CDK13: variants seen among roughly 807,000 people sequenced by gnomAD.
The protein encoded by CDK13 is cyclin-dependent kinase 13.
Under a neutral mutation model 137.6 loss-of-function variants are expected in CDK13, and 40 were observed. That is an observed-to-expected ratio of 0.29 (90% CI 0.23 to 0.38). CDK13 has a LOEUF of 0.38. Ranked by LOEUF, CDK13 falls within the 10% of genes least tolerant of loss-of-function variation. The pLI is 1.00. For synonymous variants in CDK13, 869 were observed against 760.1 expected, an observed-to-expected ratio of 1.14 and a Z score of -2.36; for missense variants, 1,704 against 1,951.8, an observed-to-expected ratio of 0.87 and a Z score of 2.39.
rs537686588 is a variant in CDK13 at position 40,069,247 on chromosome 7, A to G, written c.2780+6147A>G. The G allele has an allele frequency of 9.1e-6, 4 of 440,786 alleles. No individual in the cohort carries two copies. In the Admixed American group the frequency reaches 1.0e-4, roughly 11 times the overall value. The allele number at this position is 440,786 out of a possible 1,614,324, so 27.3% of individuals were successfully genotyped here. On this transcript the variant is annotated intron_variant, in intron 9 of 13. Transcript: ENST00000181839. Reference sequence around the variant, plus strand: ...GAGACCTTGTCTCAAAAAAACAGAAATAAAACAACAAAACATAAAAAGATG... The same window carrying G: ...GAGACCTTGTCTCAAAAAAACAGAAGTAAAACAACAAAACATAAAAAGATG...
chr7:40,045,765 G>A, intron 5 of CDK13, 71 bp from the exon 6 acceptor site: 1 of 1,034,634 alleles, frequency 9.7e-7, no homozygotes, highest in South Asian at 1.4e-5. Context: ...GCCTTTTATT[G>A]TTAAAAATTG....
rs1389726676 is a variant in CDK13, at chr7:39,950,626, C to T, written c.-16C>T. The T allele has an allele frequency of 2.3e-6, 3 of 1,290,934 alleles. No homozygotes were observed. Among genetic ancestry groups the T allele is most frequent in the Non-Finnish European group, 2.9e-6 (3 of 1,019,580 alleles). 80.0% of individuals were successfully genotyped at this position (1,290,934 alleles called of 1,614,324 possible). A position where few individuals can be genotyped will look rare whatever the true frequency, so the allele number is the denominator to read the frequency against. On this transcript the variant is annotated 5_prime_UTR_variant, in exon 1 of 14. Transcript: ENST00000181839. ...GAGGCCGCACCCGCGCCGCGCTCTGCGGCTGGCTCTAGGCGATGCCGAGCA... is the reference window on the plus strand; with the variant it reads ...GAGGCCGCACCCGCGCCGCGCTCTGTGGCTGGCTCTAGGCGATGCCGAGCA...
At chr7:39,996,145 T>A (rs1478525696) in intron 2 of CDK13, among the ~76,000 whole-genome samples, 1 of 152,230 alleles carries the variant, frequency 6.6e-6, no homozygotes, top group African/African-American at 2.4e-5. Context: ...ATTATTAAGT[T>A]GTTTTTATCA....
chr7:39,961,605 C>T (rs1783729025), intron 1 of CDK13, among the ~76,000 whole-genome samples: 1 of 150,970 alleles, frequency 6.6e-6, no homozygotes, highest in Non-Finnish European at 1.5e-5. Context: ...CAGTATTTAT[C>T]TTCCTGTCAC....
intron 5 of CDK13, among the ~76,000 whole-genome samples, chr7:40,016,853 T>C (rs1173728606): frequency 6.6e-6 from 1 of 152,176 alleles, no homozygotes; most frequent in Non-Finnish European, 1.5e-5. Context: ...TTTTCTCGTT[T>C]GTTTTTTTAG....
chr7:39,994,185 A>G (rs1784516472), intron 2 of CDK13, among the ~76,000 whole-genome samples: 1 of 151,936 alleles, frequency 6.6e-6, no homozygotes, highest in Non-Finnish European at 1.5e-5. Flanking sequence ...GGTTATATGA[A>G]TGTTTTCCAT....
At chr7:40,048,427 A>G (rs912267862) in intron 7 of CDK13, 1 of 152,190 alleles carries the variant, frequency 6.6e-6, no homozygotes, top group Admixed American at 6.5e-5. Context: ...GATTTGTCTT[A>G]TTAAAACTAA....
rs1017594056 is a variant in CDK13, at chr7:40,094,032, T to A, written c.3689-98T>A. 2.9e-6 allele frequency: 4 copies of A among 1,385,560 alleles called. No homozygotes were observed. In the African/African-American group the frequency reaches 4.4e-5, roughly 15 times the overall value. The allele number at this position is 1,385,560 out of a possible 1,614,324, so 85.8% of individuals were successfully genotyped here. A position where few individuals can be genotyped will look rare whatever the true frequency, so the allele number is the denominator to read the frequency against. ...AACATTTTGCCAGAGATGGAACTTC[T>A]AATCATCTTTAGAACTACCTACAGG... On this transcript the variant is annotated intron_variant, in intron 13 of 13. Transcript: ENST00000181839.
intron 5 of CDK13, among the ~76,000 whole-genome samples, chr7:40,019,991 G>A (rs770005936): frequency 1.3e-5 from 2 of 152,084 alleles, no homozygotes; most frequent in Non-Finnish European, 2.9e-5. Context: ...TTTGTCTCTG[G>A]CTTTAAATGT....
At chr7:40,022,805 A>G (rs1584000819) in intron 5 of CDK13, among the ~76,000 whole-genome samples, 1 of 151,524 alleles carries the variant, frequency 6.6e-6, no homozygotes, top group Non-Finnish European at 1.5e-5. Flanking sequence ...TTTTCTAGCA[A>G]TTACAGATTA....
At chr7:39,963,797 A>G (rs1206755240) in intron 1 of CDK13, among the ~76,000 whole-genome samples, 2 of 150,960 alleles carry the variant, frequency 1.3e-5, no homozygotes, top group Non-Finnish European at 3.0e-5. Context: ...TACGTCCATC[A>G]ATACCTAATT....
chr7:39,974,618 G>A (rs762415561), intron 1 of CDK13, among the ~76,000 whole-genome samples: 50 of 150,996 alleles, frequency 3.3e-4, no homozygotes, highest in Non-Finnish European at 3.8e-4. Flanking sequence ...AGGCTGGAGT[G>A]CAGTGGCACG....
chr7:39,975,063 C>T (rs1784077776), intron 1 of CDK13, among the ~76,000 whole-genome samples: 1 of 151,548 alleles, frequency 6.6e-6, no homozygotes, highest in South Asian at 2.1e-4. Flanking sequence ...CAAGTCATTG[C>T]AGAAGTCAGG....
In CDK13 at chr7:40,090,993, C is replaced by G. The variant is rs1786908520; in HGVS notation, c.3236-1792C>G. On this transcript the variant is annotated intron_variant, in intron 12 of 13. Transcript: ENST00000181839. ...TGGGAGGCCGAGGTGGATGGATCAC[C>G]TGAGGTCAGGAGTTCGAGACCAGCC... Among the ~76,000 whole-genome samples, 3 of 150,432 alleles carry G rather than the reference C, an allele frequency of 2.0e-5. No individual in the cohort carries two copies. The South Asian group carries it at 6.3e-4, about 32-fold the overall frequency.
intron 9 of CDK13, chr7:40,068,074 G>A (rs984241172): frequency 7.2e-6 from 1 of 138,272 alleles, no homozygotes; most frequent in African/African-American, 2.9e-5. Flanking sequence ...CAGCCTGGGC[G>A]ATTGAGACTG....
At chr7:40,069,586 G>C (rs1786365028) in intron 9 of CDK13, 1 of 269,638 alleles carries the variant, frequency 3.7e-6, no homozygotes, top group South Asian at 4.2e-5. Flanking sequence ...ATGCTAGGTT[G>C]TTTATAGGCT....
intron 5 of CDK13, among the ~76,000 whole-genome samples, chr7:40,028,875 A>G (rs1267945718): frequency 6.6e-6 from 1 of 151,730 alleles, no homozygotes; most frequent in Non-Finnish European, 1.5e-5. Flanking sequence ...TTAATTTCCC[A>G]TTTTCTTTTG....
At chr7:40,060,241 A>G (rs1349208371) in intron 7 of CDK13, among the ~76,000 whole-genome samples, 2 of 152,172 alleles carry the variant, frequency 1.3e-5, no homozygotes, top group Non-Finnish European at 2.9e-5. Context: ...CTACGATTCA[A>G]CATACTTTTA....
intron 11 of CDK13, chr7:40,085,861 T>C (rs1786775732): frequency 6.6e-6 from 1 of 152,296 alleles, no homozygotes; most frequent in South Asian, 2.1e-4. Context: ...TTAGTTACTT[T>C]AGTTATTTTT....
Sources: allele counts gnomAD v4.1 joint callset (sites outside exome capture counted in the v4.1 genomes callset), GRCh38; gene constraint gnomAD v4.1.1; transcripts MANE v1.5; gene names NCBI Gene and HGNC (gene_info 2026-07-23, HGNC 2026-07-21).